KTN1: variants seen among roughly 807,000 people sequenced by gnomAD.
The protein encoded by KTN1 is kinectin.
KTN1 carries 130 observed loss-of-function variants against 222.5 expected under a neutral mutation model. That is an observed-to-expected ratio of 0.58 (90% CI 0.51 to 0.68). The LOEUF is 0.68. Ranked by LOEUF, KTN1 falls within the 30% of genes least tolerant of loss-of-function variation. The pLI is 0.00. For synonymous variants in KTN1, 512 were observed against 496.3 expected (o/e 1.03, Z -0.42); for missense variants, 1,508 against 1,500.4 (o/e 1.01, Z -0.08).
rs538618219 is a variant in KTN1, at chr14:55,633,172, A to G, written c.1222-63A>G. ...TTATATTCTCATTTTAATAAAGTTT[A>G]TTTTAAAAGTTAGCTTTGACAGTCT... On this transcript the variant is annotated intron_variant, in intron 7 of 43. Coordinates refer to ENST00000395314, the MANE Select transcript of KTN1 (RefSeq NM_001079521.2). 1.1e-5 allele frequency: 9 copies of G among 792,716 alleles called. No homozygotes were observed. In the South Asian group the frequency reaches 1.8e-4, roughly 16 times the overall value. 49.1% of individuals were successfully genotyped at this position (792,716 alleles called of 1,614,324 possible).
chr14:55,615,647 C>T (rs185044792), intron 2 of KTN1, among the ~76,000 whole-genome samples: 57 of 152,028 alleles, frequency 3.7e-4, no homozygotes, highest in African/African-American at 1.3e-3. Context: ...TTAATCCTTT[C>T]GTGGAATGAA....
At chr14:55,662,965 G>A in intron 32 of KTN1, 1 of 455,940 alleles carries the variant, frequency 2.2e-6, no homozygotes, top group South Asian at 1.5e-5. Flanking sequence ...TGTGAAAAGA[G>A]CCAGGACACT....
chr14:55,679,725 T>G, intron 43 of KTN1, 40 bp downstream of exon 43: 1 of 1,592,094 alleles, frequency 6.3e-7, no homozygotes, highest in Non-Finnish European at 8.6e-7. Flanking sequence ...GGGTAATTGA[T>G]GTTATGTGTC....
chr14:55,602,785 T>A (rs1216026806), intron 1 of KTN1, among the ~76,000 whole-genome samples: 2 of 152,160 alleles, frequency 1.3e-5, no homozygotes, highest in African/African-American at 4.8e-5. Context: ...TCTGCTATGT[T>A]GCCCAGGATG....
intron 20 of KTN1, among the ~76,000 whole-genome samples, 158 bp from the exon 21 acceptor site, chr14:55,648,644 T>C (rs999346277): frequency 2.0e-5 from 3 of 152,186 alleles, no homozygotes; most frequent in African/African-American, 4.8e-5. Flanking sequence ...TACAGAATTA[T>C]AGACATTACA....
chr14:55,681,982 C>T (rs1434896947), intron 43 of KTN1: 2 of 152,122 alleles, frequency 1.3e-5, no homozygotes, highest in African/African-American at 2.4e-5. Flanking sequence ...ACACATTTCT[C>T]AATCATTAGA....
rs968009878 is a variant in KTN1, at chr14:55,594,101, T to A, written c.-31+13747T>A. ...TCTTTTAAATTTCCTTTTATATTCG[T>A]GCAAAAGGTTGGTGCAAAAGTAATA... On this transcript the variant is annotated intron_variant, in intron 1 of 43. Transcript: ENST00000395314. 3.3e-4 allele frequency among the ~76,000 whole-genome samples: 50 copies of A among 152,210 alleles called. 1 individual carries two copies. The highest frequency in any genetic ancestry group is 1.1e-3 in the African/African-American group (45 of 41,448).
chr14:55,663,531 C>T (rs2044368738), intron 32 of KTN1: 1 of 165,320 alleles, frequency 6.0e-6, no homozygotes, highest in Non-Finnish European at 1.3e-5. Flanking sequence ...CGTTACACTG[C>T]AGTGGAAAGT....
intron 43 of KTN1, 101 bp downstream of exon 43, chr14:55,679,786 C>A: frequency 8.4e-7 from 1 of 1,197,364 alleles, no homozygotes; most frequent in Non-Finnish European, 1.2e-6. Context: ...AGGAAATATT[C>A]CTTCTTTATC....
chr14:55,672,905 ACTTTTC>A lies in KTN1; in HGVS notation c.3604-19_3604-14del. On this transcript the variant is annotated intron_variant, in intron 38 of 43. Transcript: ENST00000395314. ...ATGAAAGGAAATTTTAAGTGTGTTA[ACTTTTC>A]CTTTGTTGCATTGCTAGCTGAGAAG... The A allele has an allele frequency of 6.3e-7, 1 of 1,588,130 alleles. No individual in the cohort carries two copies. Among genetic ancestry groups the A allele is most frequent in the East Asian group, 2.2e-5 (1 of 44,642 alleles).
chr14:55,653,542 A>G lies in KTN1; in HGVS notation c.2764-17A>G, dbSNP rs895238277. 1 of 1,603,138 alleles carries G rather than the reference A, an allele frequency of 6.2e-7. No homozygotes were observed. The highest frequency in any genetic ancestry group is 8.5e-7 in the Non-Finnish European group (1 of 1,171,288). ...ATTTAATGCTAACAGCATTAAAAAT[A>G]TGATTCTGTTTCTCAGGCCTCTTCT... is the stretch of plus-strand genomic sequence containing the variant. On this transcript the variant is annotated splice_polypyrimidine_tract_variant and intron_variant, in intron 27 of 43. Coordinates refer to ENST00000395314, the MANE Select transcript of KTN1 (RefSeq NM_001079521.2).
At chr14:55,639,789 G>A in intron 13 of KTN1, 124 bp from the exon 14 acceptor site, 1 of 640,980 alleles carries the variant, frequency 1.6e-6, no homozygotes, top group Non-Finnish European at 2.8e-6. Flanking sequence ...ACTGAAAGGG[G>A]CTATAGAAAT....
intron 29 of KTN1, among the ~76,000 whole-genome samples, chr14:55,657,548 T>C (rs2043633078): frequency 6.6e-6 from 1 of 152,166 alleles, no homozygotes; most frequent in Non-Finnish European, 1.5e-5. Flanking sequence ...TTGAAACTTT[T>C]ATGTACTCAA....
At chr14:55,638,283 C>A (rs577755818) in intron 12 of KTN1, among the ~76,000 whole-genome samples, 1 of 151,892 alleles carries the variant, frequency 6.6e-6, no homozygotes, top group South Asian at 2.1e-4. Flanking sequence ...AAATTTGTAC[C>A]TCAGTTTAGT....
rs374073665 is a variant in KTN1, at chr14:55,672,983, C to T, written c.3658C>T (p.Arg1220Ter). The stretch of plus-strand genomic sequence containing the variant: ...GGAACTAGAAAAGGCAGAGATGGAA[C>T]GATCTACCTATGTTACAGAAGTCAG... ...EMELEKAEME[R>*]STYVTEVREL... The change falls in exon 39 of 44, where the codon CGA (arginine) becomes TGA (stop). Residue 1220 changes from arginine to a stop codon, truncating the protein, a stop_gained. Transcript: ENST00000395314. LOFTEE classifies it high-confidence loss of function. The T allele has an allele frequency of 2.5e-6, 4 of 1,612,704 alleles. No homozygotes were observed. The highest frequency in any genetic ancestry group is 1.1e-5 in the South Asian group (1 of 91,050).
intron 1 of KTN1, among the ~76,000 whole-genome samples, chr14:55,598,379 G>T (rs1394597785): frequency 6.8e-6 from 1 of 148,010 alleles, no homozygotes; most frequent in Non-Finnish European, 1.5e-5. Flanking sequence ...AGCTTGCAGT[G>T]AGCCGAGAAC....
chr14:55,599,060 T>G (rs74354306), intron 1 of KTN1, among the ~76,000 whole-genome samples: 12,289 of 152,282 alleles, frequency 0.081, 540 homozygotes, highest in South Asian at 0.12. Flanking sequence ...CTGTCTTGTT[T>G]GATAATTCAA....
At chr14:55,584,203 C>G (rs1395614614) in intron 1 of KTN1, among the ~76,000 whole-genome samples, 1 of 151,986 alleles carries the variant, frequency 6.6e-6, no homozygotes, top group African/African-American at 2.4e-5. Flanking sequence ...TTCCACTCTC[C>G]TCATTCCCCC....
At chr14:55,639,413 A>G (rs2041528975) in intron 13 of KTN1, among the ~76,000 whole-genome samples, 191 bp downstream of exon 13, 1 of 146,030 alleles carries the variant, frequency 6.8e-6, no homozygotes, top group Non-Finnish European at 1.5e-5. Context: ...GTCCCTAAAC[A>G]TTATATATTC....
Sources: allele counts gnomAD v4.1 joint callset (sites outside exome capture counted in the v4.1 genomes callset), GRCh38; gene constraint gnomAD v4.1.1; transcripts MANE v1.5; gene names NCBI Gene and HGNC (gene_info 2026-07-23, HGNC 2026-07-21).